The following SEMA4D variants were observed in gnomAD, a reference collection of about 807,000 sequenced individuals.
The protein encoded by SEMA4D is semaphorin 4D, also known as semaphorin-4D.
Under a neutral mutation model 74.8 loss-of-function variants are expected in SEMA4D, and 22 were observed. That is an observed-to-expected ratio of 0.29 (90% CI 0.21 to 0.42). The LOEUF (loss-of-function observed/expected upper bound fraction) is 0.42, where lower values mean the gene tolerates loss of function less well. Ranked by LOEUF, SEMA4D falls within the 10% of genes least tolerant of loss-of-function variation. SEMA4D has a pLI of 1.00. For missense variants in SEMA4D, 937 were observed against 1,118.4 expected (o/e 0.84, Z 2.31); for synonymous variants, 445 against 463.7 (o/e 0.96, Z 0.52).
chr9:89,468,439 G>A (rs966901955), intron 1 of SEMA4D, among the ~76,000 whole-genome samples: 7 of 152,100 alleles, frequency 4.6e-5, no homozygotes, highest in African/African-American at 9.7e-5. Flanking sequence ...ACAACAGAGC[G>A]TTCAGAAGGA....
At chr9:89,405,207 G>C (rs1393347424) in intron 3 of SEMA4D, 144 bp downstream of exon 3, 5 of 673,808 alleles carry the variant, frequency 7.4e-6, no homozygotes, top group Non-Finnish European at 1.3e-5. Context: ...TCAGGAAGTG[G>C]AGTCCCTGTC....
chr9:89,444,372 G>A (rs981063955), intron 2 of SEMA4D, among the ~76,000 whole-genome samples: 3 of 152,116 alleles, frequency 2.0e-5, no homozygotes, highest in Admixed American at 6.5e-5. Context: ...CACAAAGCAC[G>A]TCATCACACA....
intron 2 of SEMA4D, chr9:89,450,770 C>T: frequency 8.9e-7 from 1 of 1,118,248 alleles, no homozygotes; most frequent in East Asian, 2.4e-5. Context: ...GTCCCATCTC[C>T]CCAGCTTGCT....
intron 1 of SEMA4D, chr9:89,479,738 GGC>G (rs1862716717): frequency 6.6e-6 from 1 of 150,562 alleles, no homozygotes; most frequent in Non-Finnish European, 1.4e-5. Context: ...CCTCCCGGTG[GGC>G]TCGTGGTCTC....
At chr9:89,405,818 CG>C (rs1159101450) in intron 2 of SEMA4D, 119 bp from the exon 3 acceptor site, 28 of 1,292,818 alleles carry the variant, frequency 2.2e-5, no homozygotes, top group Non-Finnish European at 2.7e-5. Context: ...CTGAGGAATA[CG>C]GAAGGCAGCG....
At position 89,496,051 on chromosome 9, in the gene SEMA4D, G is replaced by A. The variant is rs377006125; in HGVS notation, c.-310+1868C>T. On this transcript the variant is annotated intron_variant, in intron 1 of 15. Transcript: ENST00000422704. ...GCTCTAGGTAACATCTGCCTCCAGC[G>A]GTCCACATGGAGAGGACTGTCCACA... Among the ~76,000 whole-genome samples the A allele has an allele frequency of 1.8e-4, 27 of 152,208 alleles. No individual in the cohort carries two copies. The East Asian group carries it at 2.1e-3, about 12-fold the overall frequency.
At chr9:89,406,978 T>C (rs1470163308) in intron 2 of SEMA4D, among the ~76,000 whole-genome samples, 7 of 118,858 alleles carry the variant, frequency 5.9e-5, no homozygotes, top group African/African-American at 2.0e-4. Flanking sequence ...CCCCAATCCA[T>C]AGATGGTGCT....
At chr9:89,448,351 A>G (rs3924547) in intron 2 of SEMA4D, among the ~76,000 whole-genome samples, 146,521 of 152,334 alleles carry the variant, frequency 0.96, 70,676 homozygotes, top group Non-Finnish European at 1. Context: ...GGGTCTGTCT[A>G]CCCCAACAGT....
At chr9:89,475,517 A>G (rs1861527927) in intron 1 of SEMA4D, among the ~76,000 whole-genome samples, 1 of 152,114 alleles carries the variant, frequency 6.6e-6, no homozygotes. Flanking sequence ...TCACTTGTTC[A>G]CCCATCAATC....
chr9:89,438,617 G>A (rs1850978556), intron 2 of SEMA4D, among the ~76,000 whole-genome samples: 3 of 152,198 alleles, frequency 2.0e-5, no homozygotes, highest in Admixed American at 6.5e-5. Context: ...GCAAAAAATC[G>A]AAGTATTCTT....
rs1843163733 is a variant in SEMA4D at position 89,405,621 on chromosome 9, C to G, written c.-165G>C. 2.8e-6 allele frequency: 4 copies of G among 1,437,892 alleles called. No individual in the cohort carries two copies. Among genetic ancestry groups the G allele is most frequent in the Admixed American group, 2.7e-5 (1 of 36,806 alleles). The allele number at this position is 1,437,892 out of a possible 1,614,324, so 89.1% of individuals were successfully genotyped here. On this transcript the variant is annotated 5_prime_UTR_variant, in exon 3 of 16. Transcript: ENST00000422704. The stretch of plus-strand genomic sequence containing the variant: ...CCCTGAGAATCCACATTTCCCAGTT[C>G]TCCAGGTGAGGAGGGGTCGCTCTCA...
At chr9:89,373,129 G>A (rs564096520), downstream of SEMA4D, among the ~76,000 whole-genome samples, 2 of 151,574 alleles carry the variant, frequency 1.3e-5, no homozygotes, top group Admixed American at 6.6e-5. Context: ...CCACCACCAG[G>A]CCTCAAGCTC....
At chr9:89,413,491 T>C (rs573455268) in intron 2 of SEMA4D, among the ~76,000 whole-genome samples, 1 of 152,354 alleles carries the variant, frequency 6.6e-6, no homozygotes, top group East Asian at 1.9e-4. Context: ...CGCATGTGCA[T>C]CTGTATTTCT....
chr9:89,492,041 C>A lies in SEMA4D; in HGVS notation c.-310+5878G>T, dbSNP rs913563575. Among the ~76,000 whole-genome samples the A allele has an allele frequency of 2.0e-5, 3 of 152,202 alleles. No homozygotes were observed. The highest frequency in any genetic ancestry group is 7.2e-5 in the African/African-American group (3 of 41,440). ...GCAACCCTTCCAAGCGGGCCTCCCTCAGCCCTATCTGCCCATGACCCCCCT... is the reference window on the plus strand; with the variant it reads ...GCAACCCTTCCAAGCGGGCCTCCCTAAGCCCTATCTGCCCATGACCCCCCT... On this transcript the variant is annotated intron_variant, in intron 1 of 15. Coordinates refer to ENST00000422704, the MANE Select transcript of SEMA4D (RefSeq NM_001371194.2). This position sits in a 1 kb window ranked among gnomAD's most constrained non-coding sequence, Gnocchi z 4.3.
intron 1 of SEMA4D, among the ~76,000 whole-genome samples, chr9:89,469,096 A>G (rs1588113632): frequency 1.3e-5 from 2 of 152,216 alleles, no homozygotes; most frequent in Admixed American, 1.3e-4. Context: ...ATATCAGGAA[A>G]GAAGGAAATG....
rs112751866 is a variant in SEMA4D at position 89,382,120 on chromosome 9, T to C, written c.1447-774A>G. On this transcript the variant is annotated intron_variant, in intron 13 of 15. Transcript: ENST00000422704. ...TTCAGGTCCATCCCATCAGCCCACC[T>C]GGCACCAGCAGTGCCCAGCACACAG... Among the ~76,000 whole-genome samples, 764 of 152,272 alleles carry C rather than the reference T, an allele frequency of 5.0e-3. 4 individuals are homozygous for C. Among genetic ancestry groups the C allele is most frequent in the African/African-American group, 0.017 (703 of 41,554 alleles).
intron 5 of SEMA4D, among the ~76,000 whole-genome samples, 164 bp downstream of exon 5, chr9:89,399,112 G>C (rs1052291149): frequency 4.6e-5 from 7 of 152,234 alleles, no homozygotes; most frequent in Admixed American, 6.5e-5. Context: ...CTCAGGAATA[G>C]AGGGATGAGC....
intron 2 of SEMA4D, among the ~76,000 whole-genome samples, chr9:89,434,882 C>A (rs1338045146): frequency 6.6e-6 from 1 of 152,226 alleles, no homozygotes; most frequent in African/African-American, 2.4e-5. Context: ...TCTAAAGGGG[C>A]CACTGCACCT....
intron 2 of SEMA4D, among the ~76,000 whole-genome samples, chr9:89,414,538 T>C (rs11265838): frequency 6.6e-6 from 1 of 151,946 alleles, no homozygotes; most frequent in African/African-American, 2.4e-5. Flanking sequence ...CACCCTGGGA[T>C]GTCCTCTGCC....
Sources: gnomAD v4.1 joint callset for allele counts (sites outside exome capture counted in the v4.1 genomes callset) on GRCh38, gnomAD v4.1.1 for gene constraint, Gnocchi (gnomAD v3.1) non-coding constraint, MANE v1.5 for transcripts, NCBI Gene and HGNC (gene_info 2026-07-23, HGNC 2026-07-21) for gene names.